ANKS1A: variants seen among roughly 807,000 people sequenced by gnomAD.
ANKS1A encodes ankyrin repeat and SAM domain-containing protein 1A.
In ANKS1A, 55 loss-of-function variants were observed where a neutral mutation model predicts 120.3. The ratio of observed to expected loss-of-function variants is 0.46; its 90% confidence interval spans 0.37 to 0.57. The LOEUF (loss-of-function observed/expected upper bound fraction) is 0.57, where lower values mean the gene tolerates loss of function less well. ANKS1A is among the 20% of genes least tolerant of loss of function. The pLI, the probability that ANKS1A is intolerant of heterozygous loss-of-function variation, is 0.00. For missense variants in ANKS1A, 1,123 were observed against 1,480.3 expected, an observed-to-expected ratio of 0.76 and a Z score of 3.96; for synonymous variants, 590 against 604.7, an observed-to-expected ratio of 0.98 and a Z score of 0.36.
chr6:34,992,092 A>G (rs922115790), intron 9 of ANKS1A, among the ~76,000 whole-genome samples: 1 of 152,176 alleles, frequency 6.6e-6, no homozygotes. Flanking sequence ...GGATGAAGAA[A>G]AAAATGAAAG....
chr6:34,973,060 A>G (rs3800442), intron 3 of ANKS1A, among the ~76,000 whole-genome samples: 13,451 of 152,200 alleles, frequency 0.088, 760 homozygotes, highest in East Asian at 0.34. Flanking sequence ...TTTTTAACCT[A>G]CTTTCTATCT....
rs1225294787 is a variant in ANKS1A at position 35,057,437 on chromosome 6, G to T, written c.2078-2710G>T. ...AGCTGGTCAAGCAGGATCCTTCTGG[G>T]GCCTGATGAGAACCCTCTCTTTTCC... On this transcript the variant is annotated intron_variant, in intron 12 of 23. Coordinates refer to ENST00000360359, the MANE Select transcript of ANKS1A (RefSeq NM_015245.3). This position sits in a 1 kb window ranked among gnomAD's most constrained non-coding sequence, Gnocchi z 4.1. Among the ~76,000 whole-genome samples the T allele has an allele frequency of 6.6e-6, 1 of 152,138 alleles. No homozygotes were observed. The highest frequency in any genetic ancestry group is 2.4e-5 in the African/African-American group (1 of 41,422).
At chr6:35,076,088 T>G (rs1479506399) in intron 13 of ANKS1A, among the ~76,000 whole-genome samples, 1 of 152,160 alleles carries the variant, frequency 6.6e-6, no homozygotes, top group African/African-American at 2.4e-5. Context: ...TGTAAAGAAC[T>G]CCTACATAGC....
chr6:34,932,712 T>C (rs1157819383), intron 1 of ANKS1A, among the ~76,000 whole-genome samples: 1 of 152,226 alleles, frequency 6.6e-6, no homozygotes, highest in Non-Finnish European at 1.5e-5. Flanking sequence ...CCAAATAATA[T>C]TCCATTGTAT....
At chr6:35,081,311 A>G (rs1777663775) in intron 17 of ANKS1A, among the ~76,000 whole-genome samples, 153 bp downstream of exon 17, 1 of 152,192 alleles carries the variant, frequency 6.6e-6, no homozygotes, top group Non-Finnish European at 1.5e-5. Context: ...GCCCACACCC[A>G]GCCGCCTTGC....
chr6:35,008,783 G>T (rs892066074), intron 10 of ANKS1A, among the ~76,000 whole-genome samples: 1 of 152,154 alleles, frequency 6.6e-6, no homozygotes, highest in Non-Finnish European at 1.5e-5. Context: ...AAGTGATTTT[G>T]GTGTCCAAAA....
At chr6:35,051,143 A>C (rs1429535599) in intron 11 of ANKS1A, among the ~76,000 whole-genome samples, 1 of 152,044 alleles carries the variant, frequency 6.6e-6, no homozygotes, top group Non-Finnish European at 1.5e-5. Context: ...TCAGTGAGCC[A>C]TGATTGCGCC....
Position 35,085,702 on chromosome 6 carries a change from G to C in ANKS1A, c.3133-64G>C, listed in dbSNP as rs1777928734. ...GGGGACACATGGTCCCTGCGAGGAAGGGCATATCCAGTGTGAAGCGGCTCC... is the reference window on the plus strand; with the variant it reads ...GGGGACACATGGTCCCTGCGAGGAACGGCATATCCAGTGTGAAGCGGCTCC... On this transcript the variant is annotated intron_variant, in intron 21 of 23. Coordinates refer to ENST00000360359, the MANE Select transcript of ANKS1A (RefSeq NM_015245.3). This position sits in a 1 kb window ranked among gnomAD's most constrained non-coding sequence, Gnocchi z 4.7. 2.0e-6 allele frequency: 3 copies of C among 1,493,434 alleles called. No homozygotes were observed. The highest frequency in any genetic ancestry group is 1.8e-6 in the Non-Finnish European group (2 of 1,116,370). 92.5% of individuals were successfully genotyped at this position (1,493,434 alleles called of 1,614,324 possible).
chr6:34,945,344 C>G (rs1413351569), intron 1 of ANKS1A, among the ~76,000 whole-genome samples: 1 of 152,168 alleles, frequency 6.6e-6, no homozygotes, highest in Non-Finnish European at 1.5e-5. Flanking sequence ...GCCCACAGTG[C>G]TGGGATTACA....
At chr6:35,069,176 C>G (rs530891209) in intron 13 of ANKS1A, among the ~76,000 whole-genome samples, 139 of 152,300 alleles carry the variant, frequency 9.1e-4, no homozygotes, top group African/African-American at 3.2e-3. Flanking sequence ...TCCCAGGCTC[C>G]CTCTGGAGAC....
In ANKS1A at chr6:35,044,310, T is replaced by G. The variant is rs1401569667; in HGVS notation, c.2011-9789T>G. Among the ~76,000 whole-genome samples the G allele has an allele frequency of 6.6e-6, 1 of 152,218 alleles. No individual in the cohort carries two copies. The highest frequency in any genetic ancestry group is 1.5e-5 in the Non-Finnish European group (1 of 68,038). ...AACAGGTTTGCCAGGTAGGTGTCGT[T>G]ATCCCTGTTACAGATGACCAAGCGG... On this transcript the variant is annotated intron_variant, in intron 11 of 23. Transcript: ENST00000360359. This position sits in a 1 kb window ranked among gnomAD's most constrained non-coding sequence, Gnocchi z 4.4.
intron 11 of ANKS1A, among the ~76,000 whole-genome samples, chr6:35,020,127 G>A (rs1044072925): frequency 6.6e-6 from 1 of 152,032 alleles, no homozygotes; most frequent in African/African-American, 2.4e-5. Flanking sequence ...CAGGTAGTGA[G>A]AGGGCCTCGA....
intron 3 of ANKS1A, among the ~76,000 whole-genome samples, chr6:34,973,120 G>T (rs1385630583): frequency 6.6e-6 from 1 of 152,202 alleles, no homozygotes; most frequent in Admixed American, 6.5e-5. Flanking sequence ...TAATGGTGGA[G>T]ATGTGGAGGA....
At chr6:34,905,856 G>T (rs1202677428) in intron 1 of ANKS1A, among the ~76,000 whole-genome samples, 3 of 152,172 alleles carry the variant, frequency 2.0e-5, no homozygotes, top group Non-Finnish European at 4.4e-5. Flanking sequence ...CTTGGTTAAG[G>T]TCTGTCTGGA....
intron 13 of ANKS1A, among the ~76,000 whole-genome samples, chr6:35,078,122 T>C (rs1581746578): frequency 6.6e-6 from 1 of 152,116 alleles, no homozygotes; most frequent in African/African-American, 2.4e-5. Context: ...GGTCCTCGGG[T>C]ACCCAAGTCT....
At position 34,889,544 on chromosome 6, in the gene ANKS1A, G is replaced by A. The variant is rs1354655055; in HGVS notation, c.142G>A (p.Gly48Ser). ...CTCTGGGGGCGGCGGCGGCGGCAGC[G>A]GCGGCGGCGGCGGCGGCCTCGGCTC... ...GGSGGGGGGS[G>S]GGGGGLGSSS... is the part of the protein sequence containing the mutation. Residue 48 changes from glycine (G) to serine (S), a missense_variant, in exon 1 of 24, where the codon GGC (glycine) becomes AGC (serine). Transcript: ENST00000360359. The surrounding 1 kb of genome is among the most constrained non-coding windows in gnomAD (Gnocchi z 5.5). The A allele has an allele frequency of 1.6e-5, 20 of 1,218,586 alleles. No homozygotes were observed. The highest frequency in any genetic ancestry group is 1.1e-4 in the South Asian group (3 of 26,496). The allele number at this position is 1,218,586 out of a possible 1,614,324, so 75.5% of individuals were successfully genotyped here. A position where few individuals can be genotyped will look rare whatever the true frequency, so the allele number is the denominator to read the frequency against.
intron 1 of ANKS1A, among the ~76,000 whole-genome samples, chr6:34,953,208 G>T (rs1006118469): frequency 6.6e-6 from 1 of 152,128 alleles, no homozygotes; most frequent in Non-Finnish European, 1.5e-5. Flanking sequence ...AGTTGCTTGT[G>T]GTCCAGTGAG....
intron 13 of ANKS1A, among the ~76,000 whole-genome samples, chr6:35,063,794 C>G (rs1422379992): frequency 6.6e-6 from 1 of 152,170 alleles, no homozygotes; most frequent in African/African-American, 2.4e-5. Flanking sequence ...GAAAACAAAG[C>G]ACATAAAAGA....
intron 15 of ANKS1A, 59 bp downstream of exon 15, chr6:35,079,727 G>A: frequency 6.2e-7 from 1 of 1,612,998 alleles, no homozygotes; most frequent in Non-Finnish European, 8.5e-7. Flanking sequence ...TTCCCTTAGG[G>A]GCAGCCTGGC....
Sources: gnomAD v4.1 joint callset for allele counts (sites outside exome capture counted in the v4.1 genomes callset) on GRCh38, gnomAD v4.1.1 for gene constraint, Gnocchi (gnomAD v3.1) non-coding constraint, MANE v1.5 for transcripts, NCBI Gene and HGNC (gene_info 2026-07-23, HGNC 2026-07-21) for gene names.